Variants in KCTD16 observed in about 807,000 individuals in gnomAD.
The protein encoded by KCTD16 is BTB/POZ domain-containing protein KCTD16.
KCTD16 carries 13 observed loss-of-function variants against 33.2 expected under a neutral mutation model. The observed-to-expected ratio is 0.39, with a 90% CI of 0.25 to 0.62. The LOEUF (loss-of-function observed/expected upper bound fraction) is 0.62. Among genes scored for constraint, KCTD16 ranks in the 20% least tolerant of loss-of-function variants. The pLI is 0.50. For synonymous variants in KCTD16, 197 were observed against 195.3 expected, an observed-to-expected ratio of 1.01 and a Z score of -0.07; for missense variants, 441 against 525.1, an observed-to-expected ratio of 0.84 and a Z score of 1.57.
intron 3 of KCTD16, among the ~76,000 whole-genome samples, chr5:144,426,586 T>G (rs1753335574): frequency 1.3e-5 from 2 of 152,164 alleles, no homozygotes; most frequent in African/African-American, 4.8e-5. Flanking sequence ...CTTAGCTTGT[T>G]TTCTGCTACT....
rs1754599469 is a variant in KCTD16 at position 144,476,571 on chromosome 5, G to A, written c.*2457G>A. 1 of 152,070 alleles carries A rather than the reference G, an allele frequency of 6.6e-6. No homozygotes were observed. The highest frequency in any genetic ancestry group is 2.1e-4 in the South Asian group (1 of 4,822). 9.4% of individuals were successfully genotyped at this position (152,070 alleles called of 1,614,324 possible). On this transcript the variant is annotated 3_prime_UTR_variant, in exon 4 of 4. Transcript: ENST00000512467. ...CACAACAGCAATATTTTTATTCTGGGCCACCTCTCGACTGGCACTCATCCC... is the reference window on the plus strand; with the variant it reads ...CACAACAGCAATATTTTTATTCTGGACCACCTCTCGACTGGCACTCATCCC...
At chr5:144,348,496 C>T (rs1752862858) in intron 3 of KCTD16, among the ~76,000 whole-genome samples, 2 of 152,288 alleles carry the variant, frequency 1.3e-5, no homozygotes, top group East Asian at 1.9e-4. Context: ...TCATCCTCAT[C>T]GTGTTACTTC....
intron 3 of KCTD16, among the ~76,000 whole-genome samples, chr5:144,359,476 C>G (rs1751654211): frequency 6.6e-6 from 1 of 152,028 alleles, no homozygotes; most frequent in Admixed American, 6.6e-5. Context: ...GCCATTGCTT[C>G]TTATTATACT....
chr5:144,433,600 G>A (rs1225076760), intron 3 of KCTD16, among the ~76,000 whole-genome samples: 1 of 152,016 alleles, frequency 6.6e-6, no homozygotes, highest in African/African-American at 2.4e-5. Flanking sequence ...TTGACCTCTG[G>A]CATTATCACC....
intron 3 of KCTD16, among the ~76,000 whole-genome samples, chr5:144,321,461 T>C (rs1752073298): frequency 6.6e-6 from 1 of 152,172 alleles, no homozygotes; most frequent in Non-Finnish European, 1.5e-5. Context: ...ACATAGAAAT[T>C]GAGGCATGAT....
chr5:144,305,264 A>G (rs1390866345), intron 3 of KCTD16, among the ~76,000 whole-genome samples: 3 of 152,188 alleles, frequency 2.0e-5, no homozygotes, highest in Non-Finnish European at 4.4e-5. Flanking sequence ...CAATGTTGAT[A>G]GGAAGATCTA....
intron 3 of KCTD16, among the ~76,000 whole-genome samples, chr5:144,333,918 C>T (rs570706965): frequency 6.6e-6 from 1 of 152,170 alleles, no homozygotes; most frequent in Non-Finnish European, 1.5e-5. Context: ...TTCTTTGTGT[C>T]TGGAACCTAC....
intron 3 of KCTD16, among the ~76,000 whole-genome samples, chr5:144,274,700 AG>A (rs1317426689): frequency 3.3e-5 from 5 of 152,278 alleles, no homozygotes; most frequent in South Asian, 4.2e-4. Flanking sequence ...CAGGATAAAG[AG>A]AATTGTACCT....
Position 144,365,286 on chromosome 5 carries a change from A to G in KCTD16, c.833-108374A>G, listed in dbSNP as rs189296732. 1.2e-4 allele frequency among the ~76,000 whole-genome samples: 18 copies of G among 152,268 alleles called. No individual in the cohort carries two copies. The East Asian group carries it at 3.3e-3, about 28-fold the overall frequency. ...TACTGGAGTGGGTTTGGTAGAAAAA[A>G]ATAATTCATTTATACAGTCAAGTCC... On this transcript the variant is annotated intron_variant, in intron 3 of 3. Coordinates refer to ENST00000512467, the MANE Select transcript of KCTD16 (RefSeq NM_020768.4).
chr5:144,402,967 A>G (rs1156618503), intron 3 of KCTD16, among the ~76,000 whole-genome samples: 1 of 152,174 alleles, frequency 6.6e-6, no homozygotes, highest in African/African-American at 2.4e-5. Context: ...ACTCCAGAGA[A>G]GAATCTGTCT....
At chr5:144,461,264 G>A (rs759815083) in intron 3 of KCTD16, among the ~76,000 whole-genome samples, 4 of 152,116 alleles carry the variant, frequency 2.6e-5, no homozygotes, top group Non-Finnish European at 5.9e-5. Flanking sequence ...GATGGACTTG[G>A]ATGTTCTACA....
chr5:144,354,482 G>T (rs189816157), intron 3 of KCTD16, among the ~76,000 whole-genome samples: 1 of 152,208 alleles, frequency 6.6e-6, no homozygotes, highest in Admixed American at 6.5e-5. Flanking sequence ...GCCAGCCTAA[G>T]ATCCTTAGAA....
chr5:144,333,874 T>C (rs59912235), intron 3 of KCTD16, among the ~76,000 whole-genome samples: 3,297 of 152,286 alleles, frequency 0.022, 109 homozygotes, highest in African/African-American at 0.073. Flanking sequence ...GCCATCAGTT[T>C]GCCACATCTG....
chr5:144,368,490 A>C (rs1486319391), intron 3 of KCTD16, among the ~76,000 whole-genome samples: 1 of 152,156 alleles, frequency 6.6e-6, no homozygotes, highest in Non-Finnish European at 1.5e-5. Context: ...CCAGCAAGGA[A>C]ACAGGAAACT....
At chr5:144,216,946 A>C (rs1048257528) in intron 3 of KCTD16, among the ~76,000 whole-genome samples, 1 of 152,186 alleles carries the variant, frequency 6.6e-6, no homozygotes, top group Non-Finnish European at 1.5e-5. Flanking sequence ...AAATAGAGAA[A>C]AGGACAGCTA....
intron 2 of KCTD16, among the ~76,000 whole-genome samples, chr5:144,190,456 C>T (rs1468580376): frequency 3.3e-5 from 5 of 152,170 alleles, no homozygotes; most frequent in Admixed American, 3.3e-4. Flanking sequence ...ACTAACAAAG[C>T]TTATTGTGAA....
chr5:144,358,379 A>C (rs1751623838), intron 3 of KCTD16, among the ~76,000 whole-genome samples: 1 of 152,180 alleles, frequency 6.6e-6, no homozygotes, highest in African/African-American at 2.4e-5. Flanking sequence ...AGCTATTGTC[A>C]TATTGAAATT....
intron 3 of KCTD16, among the ~76,000 whole-genome samples, chr5:144,242,115 C>G (rs1354424876): frequency 6.6e-6 from 1 of 151,682 alleles, no homozygotes; most frequent in Non-Finnish European, 1.5e-5. Context: ...AGGGGAAGCT[C>G]TTTTTGCAAT....
intron 3 of KCTD16, among the ~76,000 whole-genome samples, chr5:144,452,984 C>T (rs1580976422): frequency 6.6e-6 from 1 of 152,074 alleles, no homozygotes; most frequent in African/African-American, 2.4e-5. Flanking sequence ...TGGTAAAAAT[C>T]GTTTAGTCTG....
Sources: gnomAD v4.1 joint callset for allele counts (sites outside exome capture counted in the v4.1 genomes callset) on GRCh38, gnomAD v4.1.1 for gene constraint, MANE v1.5 for transcripts, NCBI Gene and HGNC (gene_info 2026-07-23, HGNC 2026-07-21) for gene names.